The following AUTS2 variants were observed in gnomAD, a reference collection of about 807,000 sequenced individuals.
The protein encoded by AUTS2 is activator of transcription and developmental regulator AUTS2, also known as autism susceptibility gene 2 protein.
AUTS2 carries 17 observed loss-of-function variants against 112.4 expected under a neutral mutation model. That is an observed-to-expected ratio of 0.15 (90% CI 0.10 to 0.23). AUTS2 has a LOEUF of 0.23. Ranked by LOEUF, AUTS2 falls within the 10% of genes least tolerant of loss-of-function variation. AUTS2 has a pLI of 1.00. For synonymous variants in AUTS2, 751 were observed against 702.7 expected, an observed-to-expected ratio of 1.07 and a Z score of -1.09; for missense variants, 1,510 against 1,701.6, an observed-to-expected ratio of 0.89 and a Z score of 1.98.
chr7:69,982,368 G>A (rs1406597239), intron 2 of AUTS2, among the ~76,000 whole-genome samples: 1 of 152,110 alleles, frequency 6.6e-6, no homozygotes, highest in Non-Finnish European at 1.5e-5. Context: ...GCTTTCTCTG[G>A]TGTAGAATTT....
At chr7:70,258,179 C>T (rs901436488) in intron 4 of AUTS2, among the ~76,000 whole-genome samples, 1 of 152,204 alleles carries the variant, frequency 6.6e-6, no homozygotes, top group Non-Finnish European at 1.5e-5. Context: ...TGGCAATGGC[C>T]TAACATTGCC....
chr7:70,014,767 T>C (rs1799955383), intron 2 of AUTS2, among the ~76,000 whole-genome samples: 1 of 152,222 alleles, frequency 6.6e-6, no homozygotes, highest in Admixed American at 6.5e-5. Flanking sequence ...TTAGGCATTC[T>C]TTTTCTGGGG....
At chr7:70,263,763 G>A (rs1787279766) in intron 4 of AUTS2, among the ~76,000 whole-genome samples, 1 of 152,166 alleles carries the variant, frequency 6.6e-6, no homozygotes, top group Non-Finnish European at 1.5e-5. Flanking sequence ...TCCCAGAACT[G>A]TGTTAGCAGA....
intron 2 of AUTS2, among the ~76,000 whole-genome samples, chr7:69,949,572 C>A (rs1464333362): frequency 6.6e-6 from 1 of 152,176 alleles, no homozygotes; most frequent in Non-Finnish European, 1.5e-5. Flanking sequence ...GTTTTTCTAC[C>A]TCCCAATTGA....
At chr7:70,449,177 T>C (rs1340909623) in intron 5 of AUTS2, among the ~76,000 whole-genome samples, 1 of 152,274 alleles carries the variant, frequency 6.6e-6, no homozygotes, top group African/African-American at 2.4e-5. Context: ...CTAAATGCCC[T>C]CCTTGCTTTG....
At chr7:69,741,571 G>A (rs1396843580) in intron 1 of AUTS2, among the ~76,000 whole-genome samples, 1 of 152,008 alleles carries the variant, frequency 6.6e-6, no homozygotes, top group Non-Finnish European at 1.5e-5. Context: ...TGGGTGTGGT[G>A]GCATGCACCT....
At chr7:70,106,049 T>C (rs1015334334) in intron 2 of AUTS2, among the ~76,000 whole-genome samples, 1 of 152,256 alleles carries the variant, frequency 6.6e-6, no homozygotes, top group Admixed American at 6.5e-5. Flanking sequence ...TTCATGGTTC[T>C]CTTTACGTTT....
intron 5 of AUTS2, among the ~76,000 whole-genome samples, chr7:70,597,455 C>T (rs1803262684): frequency 6.6e-6 from 1 of 152,182 alleles, no homozygotes; most frequent in Non-Finnish European, 1.5e-5. Context: ...TGTGATTGAG[C>T]TGTTGAGCTG....
chr7:70,520,594 C>T (rs546788354), intron 5 of AUTS2, among the ~76,000 whole-genome samples: 12 of 152,202 alleles, frequency 7.9e-5, no homozygotes, highest in Middle Eastern at 6.3e-3. Flanking sequence ...GAGCCTTCTT[C>T]CAGCCAATAA....
Position 70,785,975 on chromosome 7 carries a change from A to T in AUTS2, c.2245A>T (p.Thr749Ser). Reference protein sequence around the residue: ...AHLEPFNRPSTFTGLAAVGGN... With the variant: ...AHLEPFNRPSSFTGLAAVGGN... ...TGCAGAGCCTTTTAATCGGCCGTCT[A>T]CATTCACAGGCCTAGCAGCAGTTGG... Residue 749 changes from threonine to serine, a missense_variant, in exon 17 of 19, where the codon ACA becomes TCA. This residue lies in a region of AUTS2 where 788 missense variants were observed against 797.6 expected (regional missense o/e 0.99). Transcript: ENST00000342771. The T allele has an allele frequency of 6.2e-7, 1 of 1,614,068 alleles. No individual in the cohort carries two copies. The highest frequency in any genetic ancestry group is 1.3e-5 in the African/African-American group (1 of 75,044).
At position 70,028,951 on chromosome 7, in the gene AUTS2, A is replaced by T. The variant is rs534616638; in HGVS notation, c.523-89181A>T. 1.0e-3 allele frequency among the ~76,000 whole-genome samples: 156 copies of T among 152,132 alleles called. 1 individual carries two copies. The highest frequency in any genetic ancestry group is 3.3e-3 in the African/African-American group (135 of 41,494). ...TCTTTTACTCCAAACACTGTACTCT[A>T]GCTACATAGGACTACTGAGTAATAC... is the stretch of plus-strand genomic sequence containing the variant. On this transcript the variant is annotated intron_variant, in intron 2 of 18. Coordinates refer to ENST00000342771, the MANE Select transcript of AUTS2 (RefSeq NM_015570.4).
chr7:70,181,331 T>C (rs778495537), intron 4 of AUTS2, among the ~76,000 whole-genome samples: 80 of 152,230 alleles, frequency 5.3e-4, no homozygotes, highest in Non-Finnish European at 1.0e-3. Flanking sequence ...CTTGGCGTGA[T>C]TGATACAAGA....
intron 2 of AUTS2, among the ~76,000 whole-genome samples, chr7:69,975,231 T>C (rs1318826061): frequency 6.6e-6 from 1 of 152,134 alleles, no homozygotes; most frequent in Non-Finnish European, 1.5e-5. Flanking sequence ...AGACATCCAC[T>C]ATCCTTCTTT....
At chr7:70,641,507 G>A (rs562939975) in intron 5 of AUTS2, among the ~76,000 whole-genome samples, 1 of 152,190 alleles carries the variant, frequency 6.6e-6, no homozygotes, top group African/African-American at 2.4e-5. Flanking sequence ...AGCGGAGATC[G>A]CACCACTGCA....
chr7:69,974,974 A>AT (rs932918633), intron 2 of AUTS2, among the ~76,000 whole-genome samples: 42 of 150,992 alleles, frequency 2.8e-4, no homozygotes, highest in South Asian at 8.4e-4. Flanking sequence ...TCTTTTAGCT[A>AT]TTTTTTTTTA....
At chr7:69,968,411 A>G (rs1179841756) in intron 2 of AUTS2, among the ~76,000 whole-genome samples, 1 of 152,172 alleles carries the variant, frequency 6.6e-6, no homozygotes, top group Non-Finnish European at 1.5e-5. Flanking sequence ...CCATTTCTGG[A>G]CTTTTAGGGG....
rs756968287 is a variant in AUTS2, at chr7:70,790,652, G to A, written c.3436G>A (p.Gly1146Arg). 1.9e-6 allele frequency: 3 copies of A among 1,613,200 alleles called. No individual in the cohort carries two copies. Among genetic ancestry groups the A allele is most frequent in the Non-Finnish European group, 2.5e-6 (3 of 1,179,768 alleles). The change falls in exon 19 of 19, where the codon GGA becomes AGA. Residue 1146 changes from glycine (G) to arginine (R), a missense_variant. Transcript: ENST00000342771. The surrounding 1 kb of genome is among the most constrained non-coding windows in gnomAD (Gnocchi z 7.6). ...GGACCCTCGGCGGGAGCACGAGCGG[G>A]GAGGCCACCTGGACGAGCGGGAGCG... ...SVDPRREHER[G>R]GHLDERERLH...
intron 4 of AUTS2, among the ~76,000 whole-genome samples, chr7:70,306,146 T>G (rs1789483579): frequency 6.6e-6 from 1 of 152,122 alleles, no homozygotes; most frequent in Non-Finnish European, 1.5e-5. Context: ...AAGGAAAGAT[T>G]GGGGGTTTTA....
At chr7:70,007,895 C>T (rs1799618039) in intron 2 of AUTS2, among the ~76,000 whole-genome samples, 1 of 152,162 alleles carries the variant, frequency 6.6e-6, no homozygotes, top group Non-Finnish European at 1.5e-5. Flanking sequence ...CTTCACATAT[C>T]ATCAAATATG....
Sources: gnomAD v4.1 joint callset for allele counts (sites outside exome capture counted in the v4.1 genomes callset) on GRCh38, gnomAD v4.1.1 for gene constraint, gnomAD v4.1.1 regional missense constraint, Gnocchi (gnomAD v3.1) non-coding constraint, MANE v1.5 for transcripts, NCBI Gene and HGNC (gene_info 2026-07-23, HGNC 2026-07-21) for gene names.